EIF4H: variants seen among roughly 807,000 people sequenced by gnomAD.
EIF4H encodes Williams-Beuren syndrome chromosome region 1.
In EIF4H, 8 loss-of-function variants were observed where a neutral mutation model predicts 30.6. That is an observed-to-expected ratio of 0.26 (90% CI 0.15 to 0.47). The LOEUF (loss-of-function observed/expected upper bound fraction) is 0.47, where lower values mean the gene tolerates loss of function less well. Among genes scored for constraint, EIF4H ranks in the 20% least tolerant of loss-of-function variants. The probability of loss-of-function intolerance (pLI) is 0.99; values close to 1 mark genes in which losing one functional copy is unlikely to be tolerated. For missense variants in EIF4H, 188 were observed against 339.5 expected, an observed-to-expected ratio of 0.55 and a Z score of 3.51; for synonymous variants, 106 against 122.7, an observed-to-expected ratio of 0.86 and a Z score of 0.90.
intron 1 of EIF4H, among the ~76,000 whole-genome samples, chr7:74,180,513 C>T (rs1415027404): frequency 6.6e-6 from 1 of 152,198 alleles, no homozygotes; most frequent in Non-Finnish European, 1.5e-5. Flanking sequence ...GGTGGGAAAG[C>T]ATGAGTAATG....
intron 1 of EIF4H, among the ~76,000 whole-genome samples, chr7:74,176,859 G>T (rs1439618728): frequency 6.6e-6 from 1 of 152,206 alleles, no homozygotes; most frequent in Non-Finnish European, 1.5e-5. Flanking sequence ...GATCTTGAAT[G>T]GACTTTGTTT....
intron 5 of EIF4H, among the ~76,000 whole-genome samples, chr7:74,191,869 T>A (rs1427154370): frequency 6.6e-6 from 1 of 152,106 alleles, no homozygotes; most frequent in African/African-American, 2.4e-5. Flanking sequence ...AAGCTCTGCC[T>A]CCTGGGTTCA....
rs563827396 is a variant in EIF4H at position 74,195,363 on chromosome 7, G to T, written c.*55G>T. ...GGGGTTAGAGCAGGACCACAGCCTG[G>T]TGAGTCCCCGGGCAGCCGTCCTGCA... is the stretch of plus-strand genomic sequence containing the variant. On this transcript the variant is annotated 3_prime_UTR_variant, in exon 7 of 7. Transcript: ENST00000265753. 1.8e-4 allele frequency: 266 copies of T among 1,515,910 alleles called. No individual in the cohort carries two copies. The East Asian group carries it at 5.2e-3, about 30-fold the overall frequency. 93.9% of individuals were successfully genotyped at this position (1,515,910 alleles called of 1,614,324 possible).
intron 5 of EIF4H, among the ~76,000 whole-genome samples, chr7:74,191,476 G>T (rs1281963390): frequency 6.6e-6 from 1 of 152,162 alleles, no homozygotes; most frequent in Admixed American, 6.5e-5. Context: ...CACCAGTTCT[G>T]GTGGGAACTG....
intron 1 of EIF4H, among the ~76,000 whole-genome samples, chr7:74,180,456 A>G (rs1190496013): frequency 1.3e-5 from 2 of 152,200 alleles, no homozygotes; most frequent in African/African-American, 4.8e-5. Context: ...GGATATTCCT[A>G]ATTGAAGCTG....
chr7:74,193,592 G>A (rs1801274332), intron 5 of EIF4H, among the ~76,000 whole-genome samples: 1 of 151,280 alleles, frequency 6.6e-6, no homozygotes, highest in Admixed American at 6.6e-5. Context: ...GTTTAATTAT[G>A]GTTTAACTTC....
chr7:74,192,878 G>A (rs1371406020), intron 5 of EIF4H, among the ~76,000 whole-genome samples: 6 of 151,688 alleles, frequency 4.0e-5, no homozygotes, highest in Admixed American at 1.3e-4. Context: ...GGGTCTCTCC[G>A]TGTTGGTCAG....
At chr7:74,192,350 C>T (rs550227096) in intron 5 of EIF4H, among the ~76,000 whole-genome samples, 4 of 152,244 alleles carry the variant, frequency 2.6e-5, no homozygotes, top group African/African-American at 7.2e-5. Flanking sequence ...GACTGTATGC[C>T]TCCCAGTGTA....
At chr7:74,193,794 G>A (rs530521038) in intron 5 of EIF4H, among the ~76,000 whole-genome samples, 7 of 152,112 alleles carry the variant, frequency 4.6e-5, no homozygotes, top group Non-Finnish European at 8.8e-5. Context: ...TGTGTTTTTT[G>A]TAGAGAGTGA....
intron 5 of EIF4H, among the ~76,000 whole-genome samples, chr7:74,194,186 A>G (rs1418283045): frequency 6.6e-6 from 1 of 152,178 alleles, no homozygotes; most frequent in Non-Finnish European, 1.5e-5. Flanking sequence ...CCAATTTCGG[A>G]TAACTGCTTT....
rs1201612826 is a variant in EIF4H at position 74,195,518 on chromosome 7, C to T, written c.*210C>T. On this transcript the variant is annotated 3_prime_UTR_variant, in exon 7 of 7. Transcript: ENST00000265753. ...TGTATCTATCTAGTGCCTGTTTGTG[C>T]GTTTTTTTCTTTCTTCCGCTGCTTC... 1 of 442,084 alleles carries T rather than the reference C, an allele frequency of 2.3e-6. No homozygotes were observed. The allele number at this position is 442,084 out of a possible 1,614,324, so 27.4% of individuals were successfully genotyped here.
intron 1 of EIF4H, among the ~76,000 whole-genome samples, 198 bp downstream of exon 1, chr7:74,174,640 C>G (rs868906489): frequency 6.6e-6 from 1 of 152,040 alleles, no homozygotes; most frequent in African/African-American, 2.4e-5. Context: ...CTCCCGGGGT[C>G]TTGCTTGCGG....
intron 1 of EIF4H, among the ~76,000 whole-genome samples, chr7:74,179,651 C>T (rs994068532): frequency 3.2e-5 from 3 of 93,364 alleles, no homozygotes; most frequent in Admixed American, 1.1e-4. Flanking sequence ...AAAAAAAAGT[C>T]ACTTTATCTT....
chr7:74,178,112 G>T (rs1218216978), intron 1 of EIF4H, among the ~76,000 whole-genome samples: 4 of 151,938 alleles, frequency 2.6e-5, no homozygotes, highest in Admixed American at 2.6e-4. Context: ...GCTAATTTTT[G>T]TATTTTTTTG....
At chr7:74,175,016 G>A (rs1051131045) in intron 1 of EIF4H, among the ~76,000 whole-genome samples, 7 of 152,248 alleles carry the variant, frequency 4.6e-5, no homozygotes, top group African/African-American at 1.7e-4. Flanking sequence ...CGGGCGGGGG[G>A]AGACCAAGGA....
Position 74,190,255 on chromosome 7 carries a change from A to T in EIF4H, c.418A>T (p.Ser140Cys). The T allele has an allele frequency of 6.2e-7, 1 of 1,614,198 alleles. No individual in the cohort carries two copies. Among genetic ancestry groups the T allele is most frequent in the Non-Finnish European group, 8.5e-7 (1 of 1,180,008 alleles). The change falls in exon 5 of 7, where the codon AGC becomes TGC. Residue 140 changes from serine (S) to cysteine (C), a missense_variant. Ser to Cys is a moderately radical substitution (Grantham distance 112). Coordinates refer to ENST00000265753, the MANE Select transcript of EIF4H (RefSeq NM_022170.2). ...TTTTTGTGTATCCTCAGGAATGGGT[A>T]GCTCTCGAGAATCTAGAGGTGGATG... ...KGGPDDRGMG[S>C]SRESRGGWDS...
chr7:74,187,591 CTG>C lies in EIF4H; in HGVS notation c.60-18_60-17del, dbSNP rs782690892. ...ATTCCACTCTGGGCACACTTGAATC[CTG>C]TTTGTCTCCCCTCCTAGGTCCCGCG... is the stretch of plus-strand genomic sequence containing the variant. On this transcript the variant is annotated intron_variant, in intron 1 of 6. Transcript: ENST00000265753. 4.9e-5 allele frequency: 75 copies of C among 1,545,984 alleles called. No homozygotes were observed. The highest frequency in any genetic ancestry group is 6.5e-5 in the Non-Finnish European group (74 of 1,142,346).
chr7:74,180,496 A>G (rs1800936193), intron 1 of EIF4H, among the ~76,000 whole-genome samples: 1 of 152,224 alleles, frequency 6.6e-6, no homozygotes, highest in African/African-American at 2.4e-5. Context: ...AAATACTTCA[A>G]GTGCATGGTG....
intron 1 of EIF4H, among the ~76,000 whole-genome samples, chr7:74,176,236 ATTC>A (rs1317881698): frequency 6.7e-6 from 1 of 149,154 alleles, no homozygotes; most frequent in Non-Finnish European, 1.5e-5. Context: ...ATACATGTGT[ATTC>A]TTTTTTTTTT....
Sources: gnomAD v4.1 joint callset for allele counts (sites outside exome capture counted in the v4.1 genomes callset) on GRCh38, gnomAD v4.1.1 for gene constraint, MANE v1.5 for transcripts, NCBI Gene and HGNC (gene_info 2026-07-23, HGNC 2026-07-21) for gene names.